Variants in CNBD1 observed in about 807,000 individuals in gnomAD.
CNBD1 encodes cyclic nucleotide binding domain containing 1.
In CNBD1, 71 loss-of-function variants were observed where a neutral mutation model predicts 54.4. The observed-to-expected ratio is 1.30, with a 90% CI of 1.08 to 1.59. The LOEUF is 1.59. Ranked by LOEUF, CNBD1 falls within the 40% of genes most tolerant of loss-of-function variation. The pLI is 0.00. For missense variants in CNBD1, 659 were observed against 518.0 expected (o/e 1.27, Z -2.64); for synonymous variants, 182 against 170.7 (o/e 1.07, Z -0.51).
intron 2 of CNBD1, among the ~76,000 whole-genome samples, chr8:87,405,092 A>G (rs1402883816): frequency 1.3e-5 from 2 of 152,090 alleles, no homozygotes; most frequent in Non-Finnish European, 2.9e-5. Context: ...TGGAAAGAAA[A>G]TAAGTGATTC....
intron 2 of CNBD1, among the ~76,000 whole-genome samples, chr8:87,418,792 T>C (rs1198563741): frequency 6.6e-6 from 1 of 151,856 alleles, no homozygotes; most frequent in Non-Finnish European, 1.5e-5. Flanking sequence ...AAATATAAAA[T>C]ATAGACAGTA....
rs145861421 is a variant in CNBD1 at position 87,119,533 on chromosome 8, C to A, written c.432-86460C>A. Among the ~76,000 whole-genome samples the A allele has an allele frequency of 1.9e-3, 296 of 152,096 alleles. 4 individuals carry two copies. Among genetic ancestry groups the A allele is most frequent in the African/African-American group, 5.8e-3 (239 of 41,500 alleles). On this transcript the variant is annotated intron_variant, in intron 4 of 10. Coordinates refer to ENST00000518476, the MANE Select transcript of CNBD1 (RefSeq NM_173538.3). ...AGGTCATATCATCAGCAAAGTGGGA[C>A]AATTTGATGTCCTCTTCTCCAAATT...
At chr8:87,143,422 A>T (rs909594411) in intron 4 of CNBD1, among the ~76,000 whole-genome samples, 17 of 152,208 alleles carry the variant, frequency 1.1e-4, no homozygotes, top group African/African-American at 4.1e-4. Flanking sequence ...CTCAATATGT[A>T]CAAATATGCT....
At chr8:86,954,503 G>T (rs1347925127) in intron 4 of CNBD1, among the ~76,000 whole-genome samples, 2 of 152,048 alleles carry the variant, frequency 1.3e-5, no homozygotes, top group African/African-American at 4.8e-5. Context: ...TGCATAACTT[G>T]TTTTAGCCAT....
At chr8:86,945,322 C>T (rs1192105055) in intron 4 of CNBD1, among the ~76,000 whole-genome samples, 1 of 152,124 alleles carries the variant, frequency 6.6e-6, no homozygotes, top group Non-Finnish European at 1.5e-5. Flanking sequence ...GCGAATGAGG[C>T]ATCTGAAGAT....
At chr8:87,134,594 CTT>C (rs1167232265) in intron 4 of CNBD1, among the ~76,000 whole-genome samples, 1 of 86,986 alleles carries the variant, frequency 1.1e-5, no homozygotes, top group Non-Finnish European at 2.4e-5. Flanking sequence ...ATTAGATTAC[CTT>C]TTTTTTTTTT....
At chr8:87,099,228 A>T (rs1359136019) in intron 4 of CNBD1, among the ~76,000 whole-genome samples, 3 of 152,048 alleles carry the variant, frequency 2.0e-5, no homozygotes, top group African/African-American at 7.2e-5. Flanking sequence ...TTTAGAAAAA[A>T]ATAATCTAGA....
chr8:86,909,728 G>A (rs1809073139), intron 3 of CNBD1, among the ~76,000 whole-genome samples: 1 of 152,152 alleles, frequency 6.6e-6, no homozygotes, highest in Non-Finnish European at 1.5e-5. Flanking sequence ...GTACTATGAT[G>A]AGAAATATTT....
At chr8:87,100,629 C>G (rs1225293608) in intron 4 of CNBD1, among the ~76,000 whole-genome samples, 3 of 152,128 alleles carry the variant, frequency 2.0e-5, no homozygotes, top group African/African-American at 7.2e-5. Context: ...GCACCTACTA[C>G]CATGCCTGGC....
At chr8:87,246,069 G>A (rs1004411729) in intron 6 of CNBD1, among the ~76,000 whole-genome samples, 4 of 151,854 alleles carry the variant, frequency 2.6e-5, no homozygotes, top group Non-Finnish European at 4.4e-5. Flanking sequence ...GCCTTAAGCC[G>A]ATTGTTTTCA....
intron 8 of CNBD1, among the ~76,000 whole-genome samples, chr8:87,329,818 A>G (rs1809780696): frequency 6.6e-6 from 1 of 151,972 alleles, no homozygotes; most frequent in Admixed American, 6.6e-5. Context: ...TAGATTTTCT[A>G]TATAGATGAT....
chr8:86,904,685 T>G (rs1191648984), intron 2 of CNBD1, among the ~76,000 whole-genome samples: 2 of 152,088 alleles, frequency 1.3e-5, no homozygotes, highest in African/African-American at 4.8e-5. Flanking sequence ...TGCCTGCGAT[T>G]TTAACACATG....
intron 4 of CNBD1, among the ~76,000 whole-genome samples, chr8:86,989,272 AG>A (rs1393929325): frequency 6.6e-6 from 1 of 151,004 alleles, no homozygotes; most frequent in East Asian, 2.0e-4. Context: ...CCAGCCTGGG[AG>A]ACAAAGCAAG....
At chr8:87,324,517 C>T (rs1809625553) in intron 8 of CNBD1, among the ~76,000 whole-genome samples, 2 of 145,464 alleles carry the variant, frequency 1.4e-5, no homozygotes, top group South Asian at 2.1e-4. Flanking sequence ...CAACTTCTTC[C>T]TGGTTTAGTC....
chr8:87,083,411 A>G (rs925740842), intron 4 of CNBD1, among the ~76,000 whole-genome samples: 1 of 152,072 alleles, frequency 6.6e-6, no homozygotes, highest in Non-Finnish European at 1.5e-5. Flanking sequence ...AGACTTCAAA[A>G]GAACCTTGGT....
chr8:87,103,239 T>C (rs928632068), intron 4 of CNBD1, among the ~76,000 whole-genome samples: 1 of 151,810 alleles, frequency 6.6e-6, no homozygotes, highest in African/African-American at 2.4e-5. Context: ...GGGAAAGAAA[T>C]GGAAAAAAGA....
At position 87,275,085 on chromosome 8, in the gene CNBD1, G is replaced by A. The variant is rs192027849; in HGVS notation, c.772-9593G>A. Among the ~76,000 whole-genome samples the A allele has an allele frequency of 2.7e-3, 371 of 135,716 alleles. 22 individuals carry two copies. The highest frequency in any genetic ancestry group is 4.8e-3 in the Non-Finnish European group (301 of 63,030). 89.0% of individuals were successfully genotyped at this position (135,716 alleles called of 152,430 possible). ...GTTTGTCAAAGATCAGATAGCTGTA[G>A]ATATGCGGCGTTATTTCTGAGGGCT... On this transcript the variant is annotated intron_variant, in intron 6 of 10. Transcript: ENST00000518476.
intron 2 of CNBD1, among the ~76,000 whole-genome samples, chr8:87,415,819 A>G (rs1344364210): frequency 6.6e-6 from 1 of 151,720 alleles, no homozygotes; most frequent in Non-Finnish European, 1.5e-5. Context: ...TAATAAAAAG[A>G]TGCAAGTAAG....
intron 4 of CNBD1, among the ~76,000 whole-genome samples, chr8:87,093,556 A>T (rs750073806): frequency 7.9e-5 from 12 of 152,164 alleles, no homozygotes; most frequent in Non-Finnish European, 1.8e-4. Context: ...AAGTCTACTG[A>T]TATAAAAGTT....
Sources: allele counts gnomAD v4.1 joint callset (sites outside exome capture counted in the v4.1 genomes callset), GRCh38; gene constraint gnomAD v4.1.1; transcripts MANE v1.5; gene names NCBI Gene and HGNC (gene_info 2026-07-23, HGNC 2026-07-21).